IQSEC1: variants seen among roughly 807,000 people sequenced by gnomAD.
IQSEC1 encodes IQ motif and SEC7 domain-containing protein 1.
IQSEC1 carries 31 observed loss-of-function variants against 91.0 expected under a neutral mutation model. The ratio of observed to expected loss-of-function variants is 0.34; its 90% CI spans 0.26 to 0.46. The LOEUF is 0.46. Ranked by LOEUF, IQSEC1 falls within the 20% of genes least tolerant of loss-of-function variation. The probability of loss-of-function intolerance (pLI) is 1.00; values close to 1 mark genes in which losing one functional copy is unlikely to be tolerated. For synonymous variants in IQSEC1, 699 were observed against 662.6 expected (o/e 1.05, Z -0.84); for missense variants, 1,388 against 1,575.6 (o/e 0.88, Z 2.02).
At chr3:12,966,837 T>C (rs1454051075) in intron 1 of IQSEC1, among the ~76,000 whole-genome samples, 1 of 152,122 alleles carries the variant, frequency 6.6e-6, no homozygotes, top group African/African-American at 2.4e-5. Flanking sequence ...TCACACACAC[T>C]TGGGGTCTTG....
intron 1 of IQSEC1, among the ~76,000 whole-genome samples, chr3:13,005,177 C>T (rs749669028): frequency 6.6e-6 from 1 of 152,104 alleles, no homozygotes; most frequent in Non-Finnish European, 1.5e-5. Flanking sequence ...GGCATGGGGG[C>T]AGGGGGTGTC....
intron 2 of IQSEC1, among the ~76,000 whole-genome samples, chr3:13,152,187 A>G (rs1006942290): frequency 6.6e-6 from 1 of 152,160 alleles, no homozygotes; most frequent in African/African-American, 2.4e-5. Context: ...ATGCGGCAAT[A>G]TGGATTAAGA....
intron 2 of IQSEC1, among the ~76,000 whole-genome samples, chr3:13,161,791 G>A (rs1477975779): frequency 6.6e-6 from 1 of 152,170 alleles, no homozygotes; most frequent in Non-Finnish European, 1.5e-5. Context: ...ACTTCCATCC[G>A]CGATCTCCCT....
intron 1 of IQSEC1, among the ~76,000 whole-genome samples, chr3:12,943,068 C>G (rs1355972814): frequency 6.6e-6 from 1 of 152,234 alleles, no homozygotes; most frequent in Non-Finnish European, 1.5e-5. Context: ...TTCTCTAAAT[C>G]TTAAAAGCAG....
In IQSEC1 at chr3:12,936,157, T is replaced by C. The variant is rs759905989; in HGVS notation, c.859A>G (p.Ser287Gly). The change falls in exon 3 of 14, where the codon AGT (serine) becomes GGT (glycine). Residue 287 changes from serine to glycine, a missense_variant. Transcript: ENST00000613206. ...RKLDEMTASY[S>G]DVTLYIDEEE... ...TCATCGATGTACAGGGTGACATCACTGTACGAGGCCGTCATCTCGTCCAGT... is the reference window on the plus strand; with the variant it reads ...TCATCGATGTACAGGGTGACATCACCGTACGAGGCCGTCATCTCGTCCAGT... The C allele has an allele frequency of 1.2e-6, 2 of 1,612,706 alleles. No individual in the cohort carries two copies. Among genetic ancestry groups the C allele is most frequent in the Non-Finnish European group, 1.7e-6 (2 of 1,179,922 alleles).
intron 2 of IQSEC1, among the ~76,000 whole-genome samples, chr3:13,098,834 T>C: frequency 6.6e-6 from 1 of 152,226 alleles, no homozygotes; most frequent in East Asian, 1.9e-4. Flanking sequence ...GGTATACGGT[T>C]TCTTTCTGGA....
At chr3:13,142,215 G>C (rs911315925) in intron 2 of IQSEC1, among the ~76,000 whole-genome samples, 2 of 152,222 alleles carry the variant, frequency 1.3e-5, no homozygotes, top group African/African-American at 4.8e-5. Flanking sequence ...AGAGCGCAGC[G>C]GGCTGCGGGA....
intron 2 of IQSEC1, among the ~76,000 whole-genome samples, chr3:12,937,186 C>G (rs2005475): frequency 0.13 from 19,080 of 152,082 alleles, 1,300 homozygotes; most frequent in South Asian, 0.21. Context: ...ACCCGCCTCG[C>G]CCTCCCAAAG....
At chr3:12,963,827 T>C (rs1021975571) in intron 1 of IQSEC1, among the ~76,000 whole-genome samples, 1 of 152,210 alleles carries the variant, frequency 6.6e-6, no homozygotes, top group African/African-American at 2.4e-5. Flanking sequence ...GTTGTGTGCA[T>C]AAAGGAACAC....
intron 2 of IQSEC1, among the ~76,000 whole-genome samples, chr3:12,937,096 C>T (rs1195138086): frequency 6.6e-6 from 1 of 152,116 alleles, no homozygotes; most frequent in African/African-American, 2.4e-5. Context: ...CCACGCCCAG[C>T]TAATTTTTGT....
chr3:13,045,070 T>C (rs1704445319), intron 1 of IQSEC1, among the ~76,000 whole-genome samples: 1 of 152,232 alleles, frequency 6.6e-6, no homozygotes, highest in African/African-American at 2.4e-5. Context: ...CAAGGCAAGA[T>C]GGCAGGATGG....
intron 1 of IQSEC1, among the ~76,000 whole-genome samples, chr3:13,016,765 A>T (rs1175574920): frequency 6.6e-6 from 1 of 152,214 alleles, no homozygotes; most frequent in African/African-American, 2.4e-5. Context: ...GATATAATTC[A>T]CACACCATAC....
At chr3:13,030,001 G>A (rs114222250) in intron 1 of IQSEC1, among the ~76,000 whole-genome samples, 4 of 151,990 alleles carry the variant, frequency 2.6e-5, no homozygotes, top group African/African-American at 7.2e-5. Flanking sequence ...ATGAGGTCTC[G>A]CTACATTAAC....
At chr3:13,135,967 G>A (rs1027479419) in intron 2 of IQSEC1, among the ~76,000 whole-genome samples, 1 of 152,194 alleles carries the variant, frequency 6.6e-6, no homozygotes. Context: ...TTAGACCCTC[G>A]TGCGGGACTC....
At chr3:13,268,753 T>C (rs544341083) in intron 1 of IQSEC1, among the ~76,000 whole-genome samples, 10 of 152,318 alleles carry the variant, frequency 6.6e-5, no homozygotes, top group African/African-American at 2.2e-4. Flanking sequence ...CCCTTGTCCA[T>C]GTAACAATCG....
In IQSEC1 at chr3:12,908,611, T is replaced by C; in HGVS notation, c.2579-86A>G. The C allele has an allele frequency of 7.2e-7, 1 of 1,392,304 alleles. No homozygotes were observed. Among genetic ancestry groups the C allele is most frequent in the Non-Finnish European group, 1.0e-6 (1 of 999,614 alleles). 86.2% of individuals were successfully genotyped at this position (1,392,304 alleles called of 1,614,324 possible). On this transcript the variant is annotated intron_variant, in intron 11 of 13. Transcript: ENST00000613206. This position sits in a 1 kb window ranked among gnomAD's most constrained non-coding sequence, Gnocchi z 4.9. The stretch of plus-strand genomic sequence containing the variant: ...GGGGCCTTCTGCTTGGAGCTAGCAC[T>C]GTCCTGAGCCACCATCTGCTTGGAA...
rs1206707520 is a variant in IQSEC1, at chr3:13,058,125, C to A, written c.23+14867G>T. 3.5e-4 allele frequency among the ~76,000 whole-genome samples: 54 copies of A among 152,210 alleles called. 2 individuals carry two copies. The South Asian group carries it at 7.7e-3, about 22-fold the overall frequency. On this transcript the variant is annotated intron_variant, in intron 1 of 13. Coordinates refer to ENST00000613206, the MANE Select transcript of IQSEC1 (RefSeq NM_001134382.3). ...CTGTCTCAACTAAAAATACAAAAAACAGCCGGGCGTGGTGGCAGGTGCCTG... is the reference window on the plus strand; with the variant it reads ...CTGTCTCAACTAAAAATACAAAAAAAAGCCGGGCGTGGTGGCAGGTGCCTG...
At chr3:13,274,038 A>C (rs1559291100) in intron 1 of IQSEC1, among the ~76,000 whole-genome samples, 1 of 152,164 alleles carries the variant, frequency 6.6e-6, no homozygotes, top group African/African-American at 2.4e-5. Context: ...TGCATTTCAC[A>C]TGCCGAGGGG....
chr3:12,929,839 G>A (rs1039716202), intron 3 of IQSEC1, among the ~76,000 whole-genome samples: 12 of 152,112 alleles, frequency 7.9e-5, no homozygotes, highest in East Asian at 1.9e-4. Flanking sequence ...CAGTGTAGTC[G>A]GAGCCTCCTG....
Sources: gnomAD v4.1 joint callset for allele counts (sites outside exome capture counted in the v4.1 genomes callset) on GRCh38, gnomAD v4.1.1 for gene constraint, Gnocchi (gnomAD v3.1) non-coding constraint, MANE v1.5 for transcripts, NCBI Gene and HGNC (gene_info 2026-07-23, HGNC 2026-07-21) for gene names.